Variants in PLA2G4E observed in about 807,000 individuals in gnomAD.
PLA2G4E encodes phospholipase A2 group IVE.
In PLA2G4E, 84 loss-of-function variants were observed where a neutral mutation model predicts 109.1. The observed-to-expected ratio is 0.77, with a 90% CI of 0.65 to 0.92. PLA2G4E has a LOEUF of 0.92. Among genes scored for constraint, PLA2G4E ranks in the 40% least tolerant of loss-of-function variants. The pLI, the probability that PLA2G4E is intolerant of heterozygous loss-of-function variation, is 0.00. For missense variants in PLA2G4E, 1,057 were observed against 1,076.6 expected (o/e 0.98, Z 0.25); for synonymous variants, 469 against 436.1 (o/e 1.08, Z -0.94).
intron 18 of PLA2G4E, 42 bp from the exon 19 acceptor site, chr15:41,984,661 G>A: frequency 6.7e-7 from 1 of 1,492,800 alleles, no homozygotes; most frequent in East Asian, 2.3e-5. Flanking sequence ...TAGGAGGAGT[G>A]GGAGTGGAGG....
intron 1 of PLA2G4E, among the ~76,000 whole-genome samples, chr15:42,046,653 G>C (rs531443813): frequency 6.6e-6 from 1 of 152,156 alleles, no homozygotes; most frequent in Non-Finnish European, 1.5e-5. Flanking sequence ...TGTAAGTTTC[G>C]TGAGAGCTGG....
intron 2 of PLA2G4E, 105 bp downstream of exon 2, chr15:42,013,580 C>T (rs62004283): frequency 0.023 from 25,041 of 1,078,304 alleles, 1,273 homozygotes; most frequent in Admixed American, 0.18. Flanking sequence ...TGCACACGTG[C>T]GCGCGCACAC....
chr15:41,986,840 T>C (rs1164074597), intron 17 of PLA2G4E: 2 of 347,424 alleles, frequency 5.8e-6, no homozygotes, highest in Non-Finnish European at 1.1e-5. Context: ...TTAAAGGGCA[T>C]CCCCAGAACA....
At chr15:42,009,128 C>T (rs1025661220) in intron 2 of PLA2G4E, 2 of 152,194 alleles carry the variant, frequency 1.3e-5, no homozygotes, top group African/African-American at 4.8e-5. Flanking sequence ...ATGACACTCT[C>T]TTTTAGATGT....
At chr15:42,017,269 C>T (rs1007179666) in intron 1 of PLA2G4E, among the ~76,000 whole-genome samples, 6 of 152,188 alleles carry the variant, frequency 3.9e-5, no homozygotes, top group Non-Finnish European at 7.4e-5. Context: ...GCAGGGAAGG[C>T]GCAGCCACAC....
chr15:42,032,938 CCACCCCTCCCCACTGCATGT>C (rs1433360718), intron 1 of PLA2G4E, among the ~76,000 whole-genome samples: 3 of 152,098 alleles, frequency 2.0e-5, no homozygotes, highest in Non-Finnish European at 4.4e-5. Flanking sequence ...GGGGACTCCC[CCACCCCTCCCCACTGCATGT>C]GTGTGTGAGT....
exon 16 of PLA2G4E, chr15:41,988,134 G>A (rs1282091392): frequency 4.8e-5 from 77 of 1,601,812 alleles, no homozygotes; most frequent in Non-Finnish European, 6.5e-5. Context: ...GCAGGTTCAG[G>A]GAGAAGATGC....
At chr15:42,044,581 C>A in intron 1 of PLA2G4E, among the ~76,000 whole-genome samples, 1 of 136,024 alleles carries the variant, frequency 7.4e-6, no homozygotes, top group Non-Finnish European at 1.5e-5. Context: ...GAGAACTGAA[C>A]AATGAGAACA....
At chr15:42,025,389 A>T (rs2068684986) in intron 1 of PLA2G4E, among the ~76,000 whole-genome samples, 1 of 152,088 alleles carries the variant, frequency 6.6e-6, no homozygotes, top group Non-Finnish European at 1.5e-5. Context: ...AGAGTTTATC[A>T]GAGGCTTGGA....
intron 2 of PLA2G4E, among the ~76,000 whole-genome samples, chr15:42,012,094 G>A: frequency 6.6e-6 from 1 of 152,208 alleles, no homozygotes; most frequent in Non-Finnish European, 1.5e-5. Flanking sequence ...CCCTCCAGAG[G>A]CTCTGTCTCT....
chr15:42,030,019 G>A (rs537883329), intron 1 of PLA2G4E, among the ~76,000 whole-genome samples: 5 of 152,304 alleles, frequency 3.3e-5, no homozygotes, highest in South Asian at 2.1e-4. Context: ...GATCAGAAGA[G>A]GGCCTGGAGG....
intron 17 of PLA2G4E, among the ~76,000 whole-genome samples, chr15:41,986,237 C>T (rs2068140082): frequency 6.6e-6 from 1 of 152,172 alleles, no homozygotes; most frequent in African/African-American, 2.4e-5. Flanking sequence ...GGGCTTAAGA[C>T]CACCCCATAA....
chr15:42,010,122 C>T, intron 2 of PLA2G4E: 1 of 511,242 alleles, frequency 2.0e-6, no homozygotes, highest in South Asian at 1.5e-5. Context: ...TTGGCTTTTC[C>T]AGAACACTGG....
intron 1 of PLA2G4E, among the ~76,000 whole-genome samples, chr15:42,018,734 T>C (rs1385688335): frequency 6.6e-6 from 1 of 152,090 alleles, no homozygotes; most frequent in Non-Finnish European, 1.5e-5. Flanking sequence ...CTCCCCAGCC[T>C]GGATTCTGGG....
At chr15:42,011,075 A>G (rs1428403635) in intron 2 of PLA2G4E, among the ~76,000 whole-genome samples, 1 of 152,236 alleles carries the variant, frequency 6.6e-6, no homozygotes, top group Non-Finnish European at 1.5e-5. Context: ...CAGACCAGAC[A>G]TGACTGGGGT....
At chr15:42,002,586 T>A in intron 6 of PLA2G4E, 68 bp downstream of exon 6, 1 of 1,480,026 alleles carries the variant, frequency 6.8e-7, no homozygotes, top group Non-Finnish European at 9.2e-7. Flanking sequence ...TCTCCCTTGG[T>A]CCTGTTCCCC....
At chr15:42,045,090 C>T (rs1454109772) in intron 1 of PLA2G4E, among the ~76,000 whole-genome samples, 3 of 152,120 alleles carry the variant, frequency 2.0e-5, no homozygotes, top group Non-Finnish European at 2.9e-5. Flanking sequence ...TGAAGGTACA[C>T]AGGGCTGGTC....
At chr15:41,988,220 A>G in intron 15 of PLA2G4E, 64 bp from the exon 16 acceptor site, 1 of 1,217,758 alleles carries the variant, frequency 8.2e-7, no homozygotes, top group Non-Finnish European at 1.2e-6. Flanking sequence ...CTGACATTTG[A>G]TTCCCCACTC....
exon 10 of PLA2G4E, chr15:41,999,561 C>G (rs1312585610): frequency 3.7e-6 from 6 of 1,611,948 alleles, no homozygotes; most frequent in Non-Finnish European, 4.2e-6. Context: ...TAACTCTCAC[C>G]CTGGGGAGGG....
Sources: allele counts gnomAD v4.1 joint callset (sites outside exome capture counted in the v4.1 genomes callset), GRCh38; gene constraint gnomAD v4.1.1; transcripts MANE v1.5; gene names NCBI Gene and HGNC (gene_info 2026-07-23, HGNC 2026-07-21).